Variants in BLM observed in about 807,000 individuals in gnomAD.
BLM encodes recQ-like DNA helicase BLM.
A neutral mutation model predicts 135.3 loss-of-function variants in BLM; 95 were observed. The observed-to-expected ratio is 0.70, with a 90% CI of 0.59 to 0.83. The LOEUF (loss-of-function observed/expected upper bound fraction) is 0.83, where lower values mean the gene tolerates loss of function less well. BLM is among the 40% of genes least tolerant of loss of function. The probability of loss-of-function intolerance (pLI) is 0.00; values close to 1 mark genes in which losing one functional copy is unlikely to be tolerated. For synonymous variants in BLM, 520 were observed against 589.2 expected, an observed-to-expected ratio of 0.88 and a Z score of 1.70; for missense variants, 1,518 against 1,663.9, an observed-to-expected ratio of 0.91 and a Z score of 1.53.
At chr15:90,808,862 G>A in intron 19 of BLM, 1 of 511,676 alleles carries the variant, frequency 2.0e-6, no homozygotes, top group Non-Finnish European at 3.5e-6. Context: ...CACGCACATG[G>A]CACAGGTCCC....
chr15:90,721,773 A>G (rs1273633780), intron 1 of BLM, among the ~76,000 whole-genome samples: 1 of 151,406 alleles, frequency 6.6e-6, no homozygotes, highest in Admixed American at 6.6e-5. Context: ...TCTACTAAAA[A>G]TACAAAAATC....
At chr15:90,743,732 T>C (rs1895430134) in intron 1 of BLM, among the ~76,000 whole-genome samples, 1 of 152,138 alleles carries the variant, frequency 6.6e-6, no homozygotes. Context: ...GTATCGATAT[T>C]TTGATGGAGT....
At chr15:90,777,025 T>TG (rs2151173386) in intron 12 of BLM, among the ~76,000 whole-genome samples, 1 of 152,290 alleles carries the variant, frequency 6.6e-6, no homozygotes, top group African/African-American at 2.4e-5. Flanking sequence ...GTTTTGGAGA[T>TG]GGGGTCTTAC....
At chr15:90,725,758 G>A (rs1596197000) in intron 1 of BLM, among the ~76,000 whole-genome samples, 2 of 150,618 alleles carry the variant, frequency 1.3e-5, no homozygotes, top group Admixed American at 1.3e-4. Context: ...TGATCCACCC[G>A]CCTCGGCCTC....
intron 21 of BLM, among the ~76,000 whole-genome samples, chr15:90,813,488 G>A (rs533168684): frequency 3.3e-5 from 5 of 152,204 alleles, no homozygotes; most frequent in African/African-American, 1.2e-4. Flanking sequence ...CTGCCTCCCG[G>A]GTTCAAGCTA....
intron 12 of BLM, among the ~76,000 whole-genome samples, chr15:90,780,889 G>A (rs999128087): frequency 6.6e-6 from 1 of 152,206 alleles, no homozygotes; most frequent in African/African-American, 2.4e-5. Context: ...AGGAGGATGT[G>A]CATAGGTTAT....
intron 4 of BLM, among the ~76,000 whole-genome samples, chr15:90,754,278 T>C (rs1895758425): frequency 6.6e-6 from 1 of 152,256 alleles, no homozygotes; most frequent in Non-Finnish European, 1.5e-5. Flanking sequence ...TATGTTAATA[T>C]GTTTTTGTAT....
chr15:90,789,905 T>C (rs1205681140), intron 14 of BLM, among the ~76,000 whole-genome samples: 2 of 150,848 alleles, frequency 1.3e-5, no homozygotes, highest in Admixed American at 6.6e-5. Flanking sequence ...CCTTGAAAAC[T>C]GATTTATCAA....
intron 4 of BLM, among the ~76,000 whole-genome samples, chr15:90,752,998 CT>C (rs1246555114): frequency 6.6e-6 from 1 of 152,140 alleles, no homozygotes; most frequent in Admixed American, 6.5e-5. Flanking sequence ...GAATGCCTGG[CT>C]TTTTTCTTTA....
At chr15:90,771,856 T>C (rs369769541) in intron 12 of BLM, among the ~76,000 whole-genome samples, 3 of 152,226 alleles carry the variant, frequency 2.0e-5, no homozygotes, top group Non-Finnish European at 4.4e-5. Flanking sequence ...TGATTTATGT[T>C]TGAGTAAACA....
At chr15:90,723,240 A>T (rs1894816219) in intron 1 of BLM, among the ~76,000 whole-genome samples, 1 of 151,802 alleles carries the variant, frequency 6.6e-6, no homozygotes, top group Non-Finnish European at 1.5e-5. Flanking sequence ...CCTGGTTTTG[A>T]GCTCTGTAAA....
At chr15:90,776,042 T>C (rs1036480243) in intron 12 of BLM, among the ~76,000 whole-genome samples, 2 of 152,216 alleles carry the variant, frequency 1.3e-5, no homozygotes, top group Non-Finnish European at 2.9e-5. Context: ...CATTTATATT[T>C]CTTATTTTTA....
Position 90,815,137 on chromosome 15 carries a change from C to T in BLM, c.4112C>T (p.Thr1371Met), listed in dbSNP as rs587779891. 25 of 1,614,048 alleles carry T rather than the reference C, an allele frequency of 1.5e-5. No homozygotes were observed. Among genetic ancestry groups the T allele is most frequent in the Admixed American group, 1.7e-5 (1 of 60,008 alleles). Residue 1371 changes from threonine (T) to methionine (M), a missense_variant, in exon 22 of 22, where the codon ACG (threonine) becomes ATG (methionine). Physicochemically the swap from Thr to Met is moderately conservative, Grantham distance 81. Around this residue, in one of 5 missense-constraint regions of BLM, gnomAD observed 153 missense variants for 173.4 expected, o/e 0.88. Transcript: ENST00000355112. The surrounding 1 kb of genome is among the most constrained non-coding windows in gnomAD (Gnocchi z 4.6). The part of the protein sequence containing the change: ...SATCRKISSK[T>M]KSSSIIGSSS... ...ACATGTAGAAAGATATCTTCCAAAA[C>T]GAAATCCTCCAGCATCATTGGATCC...
chr15:90,796,283 C>A (rs1897026129), intron 16 of BLM, among the ~76,000 whole-genome samples: 1 of 152,066 alleles, frequency 6.6e-6, no homozygotes, highest in African/African-American at 2.4e-5. Context: ...AGACTGGTGG[C>A]ACATGGGTGA....
chr15:90,760,113 A>C, intron 5 of BLM, 34 bp from the exon 6 acceptor site: 2 of 1,595,486 alleles, frequency 1.3e-6, no homozygotes, highest in Non-Finnish European at 1.7e-6. Context: ...TTTTTCCCTC[A>C]AAGAAAAATA....
intron 1 of BLM, among the ~76,000 whole-genome samples, chr15:90,739,303 G>A (rs965557194): frequency 2.0e-5 from 3 of 151,936 alleles, no homozygotes; most frequent in Non-Finnish European, 2.9e-5. Context: ...CAGGAGGCTC[G>A]GGCAGGAGAA....
In BLM at chr15:90,790,826, C is replaced by T; in HGVS notation, c.3001C>T (p.Leu1001=). 2 of 1,613,874 alleles carry T rather than the reference C, an allele frequency of 1.2e-6. No homozygotes were observed. The highest frequency in any genetic ancestry group is 1.7e-6 in the Non-Finnish European group (2 of 1,179,890). ...LFYTYHDVTR[L]KRLIMMEKDG... is the part of the protein sequence containing the mutation. ...CTATACCTATCATGATGTGACCAGA[C>T]TGAAAAGACTTATAATGAGTAAGCT... The change falls in exon 15 of 22, where the codon CTG becomes TTG. Residue 1001 remains leucine (L), a synonymous_variant. Transcript: ENST00000355112.
intron 1 of BLM, among the ~76,000 whole-genome samples, chr15:90,739,250 A>G (rs950858608): frequency 6.6e-6 from 1 of 151,820 alleles, no homozygotes; most frequent in Non-Finnish European, 1.5e-5. Flanking sequence ...AAAACAGAAA[A>G]ATTAGCTGGG....
rs562294338 is a variant in BLM, at chr15:90,760,483, G to A, written c.1221-111G>A. 51 of 1,326,420 alleles carry A rather than the reference G, an allele frequency of 3.8e-5. No homozygotes were observed. The South Asian group carries it at 4.4e-4, about 11-fold the overall frequency. The allele number at this position is 1,326,420 out of a possible 1,614,324, so 82.2% of individuals were successfully genotyped here. The stretch of plus-strand genomic sequence containing the variant: ...ATGTTTTTAAGATTGGGAAAAAAGC[G>A]AATATATTTTGCTACAATTTCTATT... On this transcript the variant is annotated intron_variant, in intron 6 of 21. Transcript: ENST00000355112.
Sources: allele counts gnomAD v4.1 joint callset (sites outside exome capture counted in the v4.1 genomes callset), GRCh38; gene constraint gnomAD v4.1.1; regional missense constraint gnomAD v4.1.1; non-coding constraint Gnocchi (gnomAD v3.1); transcripts MANE v1.5; gene names NCBI Gene and HGNC (gene_info 2026-07-23, HGNC 2026-07-21).